The following RAF1 variants were observed in gnomAD, a reference collection of about 807,000 sequenced individuals.
The protein encoded by RAF1 is RAF proto-oncogene serine/threonine-protein kinase.
A neutral mutation model predicts 81.1 loss-of-function variants in RAF1; 27 were observed. The ratio of observed to expected loss-of-function variants is 0.33; its 90% CI spans 0.25 to 0.46. The LOEUF (loss-of-function observed/expected upper bound fraction) is 0.46. Ranked by LOEUF, RAF1 falls within the 20% of genes least tolerant of loss-of-function variation. RAF1 has a pLI of 1.00. For missense variants in RAF1, 598 were observed against 826.0 expected, an observed-to-expected ratio of 0.72 and a Z score of 3.38; for synonymous variants, 298 against 294.0, an observed-to-expected ratio of 1.01 and a Z score of -0.14.
chr3:12,623,535 C>T (rs773047726), intron 1 of RAF1, among the ~76,000 whole-genome samples: 19 of 151,792 alleles, frequency 1.3e-4, no homozygotes, highest in Admixed American at 2.0e-4. Context: ...CGGGGGCTCA[C>T]GCCTGTAATC....
intron 2 of RAF1, among the ~76,000 whole-genome samples, chr3:12,613,448 T>C (rs975358634): frequency 4.8e-5 from 5 of 103,262 alleles, no homozygotes; most frequent in African/African-American, 1.8e-4. Context: ...CCCCAGAAGG[T>C]GGTGAGTGTA....
At chr3:12,636,285 C>CA (rs1559470791) in intron 1 of RAF1, among the ~76,000 whole-genome samples, 13 of 128,518 alleles carry the variant, frequency 1.0e-4, no homozygotes, top group Admixed American at 3.2e-4. Context: ...GACTCCATTT[C>CA]AAAAAAACAA....
chr3:12,623,251 C>T (rs2059601890), intron 1 of RAF1, among the ~76,000 whole-genome samples: 1 of 152,054 alleles, frequency 6.6e-6, no homozygotes. Context: ...TGATTCCAAT[C>T]GATTGGTGAA....
At chr3:12,613,270 A>T (rs1429507524) in intron 2 of RAF1, among the ~76,000 whole-genome samples, 3 of 152,222 alleles carry the variant, frequency 2.0e-5, no homozygotes, top group Non-Finnish European at 4.4e-5. Context: ...GCCAAGAATT[A>T]ATCAAAAGTA....
At chr3:12,591,455 T>C (rs2058512206) in intron 12 of RAF1, among the ~76,000 whole-genome samples, 1 of 152,068 alleles carries the variant, frequency 6.6e-6, no homozygotes, top group Non-Finnish European at 1.5e-5. Context: ...GAGACAGAAA[T>C]TGGGCTATTG....
At chr3:12,659,799 G>A (rs2060818589) in intron 1 of RAF1, among the ~76,000 whole-genome samples, 1 of 152,080 alleles carries the variant, frequency 6.6e-6, no homozygotes, top group Non-Finnish European at 1.5e-5. Context: ...ATTGTCTTCT[G>A]CAAGTCAACA....
At chr3:12,587,893 ACCT>A (rs1170306934) in intron 13 of RAF1, 3 of 300,664 alleles carry the variant, frequency 1.0e-5, no homozygotes, top group African/African-American at 7.7e-5. Flanking sequence ...TGCAGCCTTA[ACCT>A]CCTGGGCTCA....
chr3:12,618,403 A>G (rs2059442913), intron 2 of RAF1, 112 bp downstream of exon 2: 1 of 1,142,050 alleles, frequency 8.8e-7, no homozygotes, highest in South Asian at 1.3e-5. Context: ...AAAAAAAAAT[A>G]AAGACCCTAA....
At chr3:12,624,065 G>C (rs981006955) in intron 1 of RAF1, among the ~76,000 whole-genome samples, 6 of 151,884 alleles carry the variant, frequency 4.0e-5, no homozygotes, top group African/African-American at 1.5e-4. Context: ...ATGTTTGCCA[G>C]GCTGGTATTG....
chr3:12,607,435 C>T (rs1024688471), intron 5 of RAF1, among the ~76,000 whole-genome samples: 1 of 152,096 alleles, frequency 6.6e-6, no homozygotes, highest in Non-Finnish European at 1.5e-5. Flanking sequence ...ATTGCTTGAG[C>T]TCAGGAGTTC....
intron 10 of RAF1, 136 bp from the exon 10 acceptor site, chr3:12,599,944 T>G: frequency 8.2e-7 from 1 of 1,213,648 alleles, no homozygotes; most frequent in Non-Finnish European, 1.2e-6. Context: ...ACTTCCAATT[T>G]TTGTCTTTTG....
At chr3:12,649,203 T>TAC (rs2060446100) in intron 1 of RAF1, among the ~76,000 whole-genome samples, 1 of 152,210 alleles carries the variant, frequency 6.6e-6, no homozygotes, top group South Asian at 2.1e-4. Flanking sequence ...TTCTAAGAGT[T>TAC]ACAGTAAGAC....
chr3:12,597,372 T>C (rs1416073389), intron 11 of RAF1, among the ~76,000 whole-genome samples: 2 of 152,114 alleles, frequency 1.3e-5, no homozygotes, highest in Non-Finnish European at 2.9e-5. Context: ...AATCCCCAAA[T>C]GAAAGTGCGC....
intron 1 of RAF1, among the ~76,000 whole-genome samples, chr3:12,649,608 C>T (rs954034900): frequency 2.0e-5 from 3 of 151,948 alleles, no homozygotes; most frequent in Admixed American, 6.6e-5. Context: ...CACACACACA[C>T]ACACACACAC....
intron 11 of RAF1, among the ~76,000 whole-genome samples, chr3:12,593,220 C>T (rs553137591): frequency 1.3e-5 from 2 of 152,076 alleles, no homozygotes; most frequent in South Asian, 2.1e-4. Flanking sequence ...GCTGGGATTA[C>T]AGGCATGCTC....
intron 1 of RAF1, among the ~76,000 whole-genome samples, chr3:12,660,890 C>T (rs1172901209): frequency 1.3e-5 from 2 of 152,106 alleles, no homozygotes; most frequent in Non-Finnish European, 2.9e-5. Flanking sequence ...CAGGAGAATG[C>T]TTAAACCCAG....
chr3:12,608,010 T>A (rs1221468941), intron 5 of RAF1, among the ~76,000 whole-genome samples: 12 of 149,166 alleles, frequency 8.0e-5, no homozygotes, highest in Admixed American at 6.8e-4. Context: ...TTTAAAAGCT[T>A]GTGCCATTTG....
Position 12,584,003 on chromosome 3 carries a change from G to A in RAF1, c.*511C>T, listed in dbSNP as rs555915720. The A allele has an allele frequency of 6.0e-5, 15 of 251,172 alleles. No homozygotes were observed. The highest frequency in any genetic ancestry group is 5.6e-4 in the East Asian group (10 of 17,898). The allele number at this position is 251,172 out of a possible 1,614,324, so 15.6% of individuals were successfully genotyped here. A position where few individuals can be genotyped will look rare whatever the true frequency, so the allele number is the denominator to read the frequency against. On this transcript the variant is annotated 3_prime_UTR_variant, in exon 18 of 18. Transcript: ENST00000442415. Reference sequence around the variant, plus strand: ...CCATAGTACCAAAGCAGGCTCCTTCGGGCGGCCAGAGTCTCGGCAGTCCTG... The same window carrying A: ...CCATAGTACCAAAGCAGGCTCCTTCAGGCGGCCAGAGTCTCGGCAGTCCTG...
At chr3:12,589,406 G>T (rs1286631722) in intron 13 of RAF1, 1 of 152,152 alleles carries the variant, frequency 6.6e-6, no homozygotes, top group African/African-American at 2.4e-5. Context: ...TTTAAAGACA[G>T]TGTGAGAATT....
Sources: allele counts gnomAD v4.1 joint callset (sites outside exome capture counted in the v4.1 genomes callset), GRCh38; gene constraint gnomAD v4.1.1; transcripts MANE v1.5; gene names NCBI Gene and HGNC (gene_info 2026-07-23, HGNC 2026-07-21).